The following ZNF587B variants were observed in gnomAD, a reference collection of about 807,000 sequenced individuals.
The protein encoded by ZNF587B is zinc finger protein 587B.
ZNF587B carries 6 observed loss-of-function variants against 7.2 expected under a neutral mutation model. That is an observed-to-expected ratio of 0.83 (90% CI 0.46 to 1.65). The LOEUF (loss-of-function observed/expected upper bound fraction) is 1.65, where lower values mean the gene tolerates loss of function less well. Among genes scored for constraint, ZNF587B ranks in the 40% most tolerant of loss-of-function variants. The probability of loss-of-function intolerance (pLI) is 0.01; values close to 1 mark genes in which losing one functional copy is unlikely to be tolerated. For missense variants in ZNF587B, 749 were observed against 761.0 expected (o/e 0.98, Z 0.19); for synonymous variants, 274 against 254.3 (o/e 1.08, Z -0.74).
chr19:57,832,950 G>A (rs1416185889), intron 1 of ZNF587B, among the ~76,000 whole-genome samples: 1 of 152,100 alleles, frequency 6.6e-6, no homozygotes, highest in Non-Finnish European at 1.5e-5. Flanking sequence ...TGGGACAGAA[G>A]CACCCCTTTA....
In ZNF587B at chr19:57,841,998, G is replaced by C. The variant is rs768702665; in HGVS notation, c.1324G>C (p.Glu442Gln). The change falls in exon 3 of 3, where the codon GAA (glutamate) becomes CAA (glutamine). Residue 442 changes from glutamate to glutamine, a missense_variant. This residue lies in a region of ZNF587B where 656 missense variants were observed against 596.5 expected (regional missense o/e 1.10). Transcript: ENST00000594901. ...TACAGAAAGACCTTATAAGTGTGGGGAATGTGGGAAATGTTTTAGTCACAA... is the reference window on the plus strand; with the variant it reads ...TACAGAAAGACCTTATAAGTGTGGGCAATGTGGGAAATGTTTTAGTCACAA... ...HTTERPYKCG[E>Q]CGKCFSHKGN... 6.2e-7 allele frequency: 1 copy of C among 1,604,120 alleles called. No homozygotes were observed. The highest frequency in any genetic ancestry group is 8.5e-7 in the Non-Finnish European group (1 of 1,175,056).
At position 57,844,490 on chromosome 19, in the gene ZNF587B, T is replaced by C; in HGVS notation, c.*1914T>C. ...GCACTCCAGCCTGGGTCCTGCTACC[T>C]TGAAGGACAGCATAGCTAAACTGCG... On this transcript the variant is annotated 3_prime_UTR_variant, in exon 3 of 3. Transcript: ENST00000594901. 1 of 219,002 alleles carries C rather than the reference T, an allele frequency of 4.6e-6. No homozygotes were observed. Among genetic ancestry groups the C allele is most frequent in the Non-Finnish European group, 9.5e-6 (1 of 105,612 alleles). 13.6% of individuals were successfully genotyped at this position (219,002 alleles called of 1,614,324 possible). A position where few individuals can be genotyped will look rare whatever the true frequency, so the allele number is the denominator to read the frequency against.
chr19:57,831,727 CAG>C (rs370936808), intron 1 of ZNF587B, among the ~76,000 whole-genome samples: 18 of 147,768 alleles, frequency 1.2e-4, no homozygotes, highest in African/African-American at 4.2e-4. Context: ...TTTTTTGAGA[CAG>C]AGTCTCAGTC....
intron 1 of ZNF587B, among the ~76,000 whole-genome samples, chr19:57,835,429 T>G (rs1160614326): frequency 4.8e-5 from 6 of 126,066 alleles, no homozygotes; most frequent in African/African-American, 1.9e-4. Flanking sequence ...TGATCTCTGC[T>G]CACTGCAACC....
intron 2 of ZNF587B, among the ~76,000 whole-genome samples, chr19:57,840,568 A>G (rs938337100): frequency 2.0e-5 from 3 of 152,172 alleles, no homozygotes; most frequent in African/African-American, 7.2e-5. Flanking sequence ...TCTGCAGATG[A>G]GTGGTTTGCA....
rs1398920228 is a variant in ZNF587B at position 57,842,821 on chromosome 19, T to A, written c.*245T>A. The A allele has an allele frequency of 2.8e-5, 28 of 985,278 alleles. No homozygotes were observed. The highest frequency in any genetic ancestry group is 3.1e-5 in the Non-Finnish European group (26 of 829,942). 61.0% of individuals were successfully genotyped at this position (985,278 alleles called of 1,614,324 possible). On this transcript the variant is annotated 3_prime_UTR_variant, in exon 3 of 3. Transcript: ENST00000594901. ...GAAGGCCTTACTAGTGTGGCAAATA[T>A]AGGCTATTTATCCAGAAGTCTGGCT...
chr19:57,836,420 T>G (rs4801521), intron 1 of ZNF587B, among the ~76,000 whole-genome samples: 1 of 127,390 alleles, frequency 7.8e-6, no homozygotes, highest in East Asian at 2.3e-4. Context: ...AGGCCCAGTG[T>G]GATTTGCCAC....
In ZNF587B at chr19:57,846,021, G is replaced by A. The variant is rs1250256394; in HGVS notation, c.*3445G>A. 1 of 152,150 alleles carries A rather than the reference G, an allele frequency of 6.6e-6. No homozygotes were observed. Among genetic ancestry groups the A allele is most frequent in the Non-Finnish European group, 1.5e-5 (1 of 68,026 alleles). 9.4% of individuals were successfully genotyped at this position (152,150 alleles called of 1,614,324 possible). A position where few individuals can be genotyped will look rare whatever the true frequency, so the allele number is the denominator to read the frequency against. On this transcript the variant is annotated 3_prime_UTR_variant, in exon 3 of 3. Transcript: ENST00000594901. ...CCAATAAAGTACACATATTTGAGCT[G>A]TAGGATAAGTCTTGAATTTTATTAT...
At position 57,843,831 on chromosome 19, in the gene ZNF587B, A is replaced by G. The variant is rs1988974260; in HGVS notation, c.*1255A>G. On this transcript the variant is annotated 3_prime_UTR_variant, in exon 3 of 3. Coordinates refer to ENST00000594901, the MANE Select transcript of ZNF587B (RefSeq NM_001376223.1). ...TGGTCAAACTGATCTTGAACTCCTAACCTCGTGATCCACCTGCCTTGGCCT... is the reference window on the plus strand; with the variant it reads ...TGGTCAAACTGATCTTGAACTCCTAGCCTCGTGATCCACCTGCCTTGGCCT... Among the ~76,000 whole-genome samples, 1 of 151,510 alleles carries G rather than the reference A, an allele frequency of 6.6e-6. No individual in the cohort carries two copies.
Position 57,844,356 on chromosome 19 carries a change from A to T in ZNF587B, c.*1780A>T, listed in dbSNP as rs1431821249. The T allele has an allele frequency of 7.1e-6, 2 of 281,996 alleles. No individual in the cohort carries two copies. The highest frequency in any genetic ancestry group is 5.1e-5 in the South Asian group (2 of 38,920). The allele number at this position is 281,996 out of a possible 1,614,324, so 17.5% of individuals were successfully genotyped here. Reference sequence around the variant, plus strand: ...TGTCTCTTCTAAAAATATAAAAATTAGCCGGGCATGGTGGCGCACCTGTAG... The same window carrying T: ...TGTCTCTTCTAAAAATATAAAAATTTGCCGGGCATGGTGGCGCACCTGTAG... On this transcript the variant is annotated 3_prime_UTR_variant, in exon 3 of 3. Transcript: ENST00000594901.
At chr19:57,832,233 T>G (rs1485589544) in intron 1 of ZNF587B, among the ~76,000 whole-genome samples, 1 of 151,942 alleles carries the variant, frequency 6.6e-6, no homozygotes, top group Non-Finnish European at 1.5e-5. Context: ...ACTACAGGCA[T>G]GCACTACTAT....
At position 57,840,609 on chromosome 19, in the gene ZNF587B, C is replaced by T. The variant is rs1042986513; in HGVS notation, c.164-229C>T. Among the ~76,000 whole-genome samples the T allele has an allele frequency of 7.9e-5, 12 of 152,288 alleles. No individual in the cohort carries two copies. The East Asian group carries it at 2.3e-3, about 29-fold the overall frequency. ...AGGGATTGTAGACCCTGCCTCTACT[C>T]CCTGTGTTACATACATGGTTGTGTC... On this transcript the variant is annotated intron_variant, in intron 2 of 2. Transcript: ENST00000594901.
At chr19:57,839,982 G>T (rs140061261) in intron 2 of ZNF587B, among the ~76,000 whole-genome samples, 5,155 of 150,406 alleles carry the variant, frequency 0.034, 193 homozygotes, top group African/African-American at 0.095. Context: ...AGGAGGCTGA[G>T]GCAGAGAACT....
At chr19:57,832,993 C>CTGAA (rs1271103624) in intron 1 of ZNF587B, among the ~76,000 whole-genome samples, 1 of 152,250 alleles carries the variant, frequency 6.6e-6, no homozygotes, top group African/African-American at 2.4e-5. Flanking sequence ...TGGGTGAGAG[C>CTGAA]TGAAGCCAGC....
At position 57,842,396 on chromosome 19, in the gene ZNF587B, T is replaced by C; in HGVS notation, c.1722T>C (p.Gly574=). ...YLTSHRRVHT[G]QKPYECSECG... is the part of the protein sequence containing the mutation. The stretch of plus-strand genomic sequence containing the variant: ...CTAGTCACAGGAGAGTTCACACTGG[T>C]CAGAAGCCTTATGAGTGCAGTGAAT... The change falls in exon 3 of 3, where the codon GGT becomes GGC. Residue 574 remains glycine (G), a synonymous_variant. Coordinates refer to ENST00000594901, the MANE Select transcript of ZNF587B (RefSeq NM_001376223.1). 1 of 1,600,188 alleles carries C rather than the reference T, an allele frequency of 6.2e-7. No homozygotes were observed. Among genetic ancestry groups the C allele is most frequent in the Non-Finnish European group, 8.5e-7 (1 of 1,174,392 alleles).
chr19:57,834,947 T>C (rs1988546729), intron 1 of ZNF587B, among the ~76,000 whole-genome samples: 1 of 104,062 alleles, frequency 9.6e-6, no homozygotes, highest in South Asian at 2.6e-4. Context: ...CTCAGTCCTT[T>C]CAACCGGAAA....
In ZNF587B at chr19:57,830,322, G is replaced by T; in HGVS notation, c.-207G>T. The T allele has an allele frequency of 1.9e-6, 1 of 531,904 alleles. No individual in the cohort carries two copies. Among genetic ancestry groups the T allele is most frequent in the Non-Finnish European group, 3.3e-6 (1 of 299,244 alleles). The allele number at this position is 531,904 out of a possible 1,614,324, so 32.9% of individuals were successfully genotyped here. Reference sequence around the variant, plus strand: ...TTGATTGGTGTTGGGTTTATTTGTCGGAGAGGCTCCTGAGCGCTAGGTCGG... The same window carrying T: ...TTGATTGGTGTTGGGTTTATTTGTCTGAGAGGCTCCTGAGCGCTAGGTCGG... On this transcript the variant is annotated 5_prime_UTR_variant, in exon 1 of 3. Transcript: ENST00000594901.
chr19:57,842,672 A>G lies in ZNF587B; in HGVS notation c.*96A>G. ...CAAATGTGGAAAATGTTTACCCAAA[A>G]GAAGTCTGCTCTCCTTGGACATTGG... is the stretch of plus-strand genomic sequence containing the variant. On this transcript the variant is annotated 3_prime_UTR_variant, in exon 3 of 3. Transcript: ENST00000594901. 6 of 1,349,694 alleles carry G rather than the reference A, an allele frequency of 4.4e-6. No homozygotes were observed. Among genetic ancestry groups the G allele is most frequent in the Non-Finnish European group, 5.7e-6 (6 of 1,055,752 alleles). 83.6% of individuals were successfully genotyped at this position (1,349,694 alleles called of 1,614,324 possible).
rs114849296 is a variant in ZNF587B, at chr19:57,838,265, G to A, written c.37-758G>A. ...GCAGAGGTTGCAGTGAGTCTAGATCGTGTCATTGCACTCCGTCTCAAAAAA... is the reference window on the plus strand; with the variant it reads ...GCAGAGGTTGCAGTGAGTCTAGATCATGTCATTGCACTCCGTCTCAAAAAA... On this transcript the variant is annotated intron_variant, in intron 1 of 2. Transcript: ENST00000594901. Among the ~76,000 whole-genome samples the A allele has an allele frequency of 7.7e-3, 1,156 of 150,898 alleles. 14 individuals carry two copies. The highest frequency in any genetic ancestry group is 0.027 in the African/African-American group (1,096 of 40,888).
Sources: allele counts gnomAD v4.1 joint callset (sites outside exome capture counted in the v4.1 genomes callset), GRCh38; gene constraint gnomAD v4.1.1; regional missense constraint gnomAD v4.1.1; transcripts MANE v1.5; gene names NCBI Gene and HGNC (gene_info 2026-07-23, HGNC 2026-07-21).